Variants in GPC3 observed in about 807,000 individuals in gnomAD.
The protein encoded by GPC3 is glypican-3.
A neutral mutation model predicts 34.4 loss-of-function variants in GPC3; 3 were observed. The ratio of observed to expected loss-of-function variants is 0.09; its 90% confidence interval spans 0.04 to 0.23. The LOEUF (loss-of-function observed/expected upper bound fraction) is 0.23. Among genes scored for constraint, GPC3 ranks in the 10% least tolerant of loss-of-function variants. The pLI, the probability that GPC3 is intolerant of heterozygous loss-of-function variation, is 1.00. For synonymous variants in GPC3, 177 were observed against 174.0 expected (o/e 1.02, Z -0.13); for missense variants, 351 against 445.6 (o/e 0.79, Z 1.91).
intron 3 of GPC3, among the ~76,000 whole-genome samples, chrX:133,724,574 G>T (rs1485751564): frequency 8.9e-6 from 1 of 111,902 alleles, no homozygotes; most frequent in Non-Finnish European, 1.9e-5. Context: ...AATTTGGGAT[G>T]TGAATAACAA....
chrX:133,932,232 T>C (rs1301265221), intron 2 of GPC3, among the ~76,000 whole-genome samples: 1 of 112,422 alleles, frequency 8.9e-6, no homozygotes, highest in Non-Finnish European at 1.9e-5. Flanking sequence ...CAGCTGGATT[T>C]CTAAATGGTG....
At chrX:133,569,124 C>T (rs2069605003) in intron 7 of GPC3, among the ~76,000 whole-genome samples, 1 of 111,516 alleles carries the variant, frequency 9.0e-6, no homozygotes, top group South Asian at 3.8e-4. Context: ...ACCATGATCA[C>T]GCCACTGCAC....
intron 5 of GPC3, among the ~76,000 whole-genome samples, chrX:133,667,570 C>T (rs907874386): frequency 2.7e-5 from 3 of 111,596 alleles, no homozygotes; most frequent in Non-Finnish European, 5.6e-5. Flanking sequence ...CCCATATTGG[C>T]TGGGTGTGGT....
chrX:133,663,722 G>A (rs2070746036), intron 5 of GPC3, among the ~76,000 whole-genome samples: 1 of 111,605 alleles, frequency 9.0e-6, no homozygotes, highest in Non-Finnish European at 1.9e-5. Context: ...AACCAGCCTA[G>A]TTTGGGACAA....
rs138640137 is a variant in GPC3 at position 133,684,411 on chromosome X, G to A, written c.1292+7958C>T. Among the ~76,000 whole-genome samples, 192 of 111,682 alleles carry A rather than the reference G, an allele frequency of 1.7e-3. 1 individual carries two copies. The South Asian group carries it at 0.023, about 13-fold the overall frequency. ...AGCTATGAGAAGAGAGAGCTGGGAA[G>A]TTGAAGACTATACCTCAGTTTCTAA... On this transcript the variant is annotated intron_variant, in intron 5 of 7. Coordinates refer to ENST00000370818, the MANE Select transcript of GPC3 (RefSeq NM_004484.4).
At chrX:133,835,680 T>C (rs1383649548) in intron 2 of GPC3, among the ~76,000 whole-genome samples, 1 of 112,224 alleles carries the variant, frequency 8.9e-6, no homozygotes, top group Non-Finnish European at 1.9e-5. Flanking sequence ...CAGAACAATA[T>C]GACTCCAATT....
intron 5 of GPC3, among the ~76,000 whole-genome samples, chrX:133,664,010 A>G (rs2070748531): frequency 8.9e-6 from 1 of 112,104 alleles, no homozygotes; most frequent in South Asian, 3.7e-4. Context: ...TCTGTAAGCA[A>G]ATCTTTTTAA....
At chrX:133,551,781 C>T (rs1260298200) in intron 7 of GPC3, among the ~76,000 whole-genome samples, 1 of 111,486 alleles carries the variant, frequency 9.0e-6, no homozygotes, top group Non-Finnish European at 1.9e-5. Context: ...TGCCTGTCAC[C>T]TCAGTTTCCC....
chrX:133,649,957 A>G (rs1157926270), intron 6 of GPC3, among the ~76,000 whole-genome samples: 1 of 111,667 alleles, frequency 9.0e-6, no homozygotes, highest in African/African-American at 3.3e-5. Context: ...ATTTGGGCCT[A>G]GGCAGTGTCA....
intron 2 of GPC3, among the ~76,000 whole-genome samples, chrX:133,897,034 G>A (rs1204006994): frequency 9.4e-6 from 1 of 106,768 alleles, no homozygotes; most frequent in East Asian, 2.9e-4. Flanking sequence ...AGCCTCCCAA[G>A]TAGCTGGGAC....
At chrX:133,786,255 C>T (rs189027849) in intron 2 of GPC3, among the ~76,000 whole-genome samples, 1 of 111,114 alleles carries the variant, frequency 9.0e-6, no homozygotes, top group Admixed American at 9.5e-5. Context: ...ATTAGCTGGG[C>T]GTGGTGGCAG....
chrX:133,963,428 C>G (rs1188242617), intron 1 of GPC3, among the ~76,000 whole-genome samples: 1 of 112,144 alleles, frequency 8.9e-6, no homozygotes, highest in Non-Finnish European at 1.9e-5. Flanking sequence ...CACCTACTCT[C>G]AAGGTCGTTG....
At chrX:133,810,861 CAAA>C (rs11433697) in intron 2 of GPC3, among the ~76,000 whole-genome samples, 1 of 61,171 alleles carries the variant, frequency 1.6e-5, no homozygotes, top group Non-Finnish European at 2.8e-5. Flanking sequence ...GACTCCGTCT[CAAA>C]AAAAAAAAAA....
intron 1 of GPC3, among the ~76,000 whole-genome samples, chrX:133,974,679 A>G (rs1284455526): frequency 9.0e-6 from 1 of 111,526 alleles, no homozygotes; most frequent in Admixed American, 9.5e-5. Flanking sequence ...TTCCAACTTA[A>G]GCCTATATGC....
At chrX:133,803,196 A>G (rs1341420611) in intron 2 of GPC3, among the ~76,000 whole-genome samples, 4 of 112,349 alleles carry the variant, frequency 3.6e-5, no homozygotes, top group Non-Finnish European at 5.6e-5. Flanking sequence ...AAGTGCTGGG[A>G]TTACAGGCGT....
At chrX:133,956,344 C>T (rs1203361563) in intron 1 of GPC3, among the ~76,000 whole-genome samples, 2 of 112,348 alleles carry the variant, frequency 1.8e-5, no homozygotes, top group Non-Finnish European at 3.8e-5. Context: ...AGTTCTAGCT[C>T]ACTGTGTTCT....
chrX:133,937,416 TTGTA>T (rs1397057802), intron 2 of GPC3, among the ~76,000 whole-genome samples: 1 of 111,906 alleles, frequency 8.9e-6, no homozygotes, highest in Non-Finnish European at 1.9e-5. Flanking sequence ...AGATATAAAA[TTGTA>T]TGCAGCTTTT....
intron 2 of GPC3, among the ~76,000 whole-genome samples, chrX:133,850,040 G>A (rs2075864904): frequency 9.0e-6 from 1 of 111,111 alleles, no homozygotes; most frequent in Admixed American, 9.6e-5. Context: ...GGATTATTAT[G>A]CAAAATATTA....
chrX:133,861,094 CA>C (rs2075934390), intron 2 of GPC3, among the ~76,000 whole-genome samples: 1 of 110,401 alleles, frequency 9.1e-6, no homozygotes, highest in Non-Finnish European at 1.9e-5. Context: ...GATCCTGTCT[CA>C]AAAAAAATTG....
Sources: allele counts gnomAD v4.1 joint callset (sites outside exome capture counted in the v4.1 genomes callset), GRCh38; gene constraint gnomAD v4.1.1; transcripts MANE v1.5; gene names NCBI Gene and HGNC (gene_info 2026-07-23, HGNC 2026-07-21).